The following TMEM108 variants were observed in gnomAD, a reference collection of about 807,000 sequenced individuals.
The protein encoded by TMEM108 is cancer/testis antigen 124.
A neutral mutation model predicts 35.1 loss-of-function variants in TMEM108; 12 were observed. That is an observed-to-expected ratio of 0.34 (90% CI 0.22 to 0.55). The LOEUF is 0.55. Ranked by LOEUF, TMEM108 falls within the 20% of genes least tolerant of loss-of-function variation. The pLI is 0.89. For synonymous variants in TMEM108, 287 were observed against 308.6 expected (o/e 0.93, Z 0.73); for missense variants, 680 against 753.3 (o/e 0.90, Z 1.14).
chr3:133,224,999 C>T (rs1946047793), intron 2 of TMEM108, among the ~76,000 whole-genome samples: 1 of 151,388 alleles, frequency 6.6e-6, no homozygotes, highest in African/African-American at 2.4e-5. Flanking sequence ...GACCCTTTAA[C>T]TCCTTTTTCC....
rs1197147994 is a variant in TMEM108, at chr3:133,252,537, ATTTC to A, written c.40+23189_40+23192del. Among the ~76,000 whole-genome samples, 21 of 152,328 alleles carry A rather than the reference ATTTC, an allele frequency of 1.4e-4. No individual in the cohort carries two copies. The East Asian group carries it at 2.7e-3, about 20-fold the overall frequency. ...TTTGCTAATTCAAGTTCTGATCAACATTTCTTAAAATAGTATGTAAGAAAGTCTT... is the reference window on the plus strand; with the variant it reads ...TTTGCTAATTCAAGTTCTGATCAACATTAAAATAGTATGTAAGAAAGTCTT... On this transcript the variant is annotated intron_variant, in intron 3 of 5. Transcript: ENST00000321871.
At chr3:133,100,288 C>T (rs561782268) in intron 2 of TMEM108, among the ~76,000 whole-genome samples, 5 of 152,206 alleles carry the variant, frequency 3.3e-5, no homozygotes, top group Non-Finnish European at 7.3e-5. Flanking sequence ...GGAGATACAA[C>T]TATAGTTGAG....
intron 2 of TMEM108, among the ~76,000 whole-genome samples, chr3:133,103,271 A>G (rs756635504): frequency 9.9e-5 from 15 of 152,192 alleles, no homozygotes; most frequent in Middle Eastern, 3.2e-3. Context: ...GAATGAGACC[A>G]TGTCTTTTGC....
chr3:133,250,463 C>G (rs1946452372), intron 3 of TMEM108, among the ~76,000 whole-genome samples: 1 of 152,156 alleles, frequency 6.6e-6, no homozygotes, highest in African/African-American at 2.4e-5. Flanking sequence ...ATGTGCTAAT[C>G]AACTGTTTTG....
intron 1 of TMEM108, among the ~76,000 whole-genome samples, chr3:133,040,235 C>T (rs542934713): frequency 5.4e-5 from 8 of 146,836 alleles, no homozygotes; most frequent in African/African-American, 2.0e-4. Flanking sequence ...ACGGAGTCTC[C>T]GTCTGTCACC....
chr3:133,089,204 G>A (rs373707089), intron 2 of TMEM108, among the ~76,000 whole-genome samples: 5 of 152,178 alleles, frequency 3.3e-5, no homozygotes, highest in East Asian at 1.9e-4. Flanking sequence ...CTCTAACATT[G>A]GGGATTACAA....
At chr3:133,251,090 G>A (rs139784588) in intron 3 of TMEM108, among the ~76,000 whole-genome samples, 1 of 152,234 alleles carries the variant, frequency 6.6e-6, no homozygotes, top group Non-Finnish European at 1.5e-5. Flanking sequence ...TAGGATCTCA[G>A]CCAGTCCATG....
rs116255520 is a variant in TMEM108 at position 133,096,145 on chromosome 3, A to G, written c.-47+50125A>G. ...AAAGGCTCACCTGTATTCACTCCTG[A>G]GGATGCAGTGGTGGTTTTTGTTTGG... On this transcript the variant is annotated intron_variant, in intron 2 of 5. Coordinates refer to ENST00000321871, the MANE Select transcript of TMEM108 (RefSeq NM_023943.4). Among the ~76,000 whole-genome samples, 349 of 152,200 alleles carry G rather than the reference A, an allele frequency of 2.3e-3. 4 individuals are homozygous for G. The highest frequency in any genetic ancestry group is 7.9e-3 in the African/African-American group (328 of 41,524).
chr3:133,094,474 G>T (rs773353744), intron 2 of TMEM108, among the ~76,000 whole-genome samples: 1 of 152,006 alleles, frequency 6.6e-6, no homozygotes, highest in African/African-American at 2.4e-5. Flanking sequence ...AAGACCTGAC[G>T]CATAAATAAA....
chr3:133,347,804 A>AT (rs34281446), intron 3 of TMEM108, among the ~76,000 whole-genome samples: 2 of 152,078 alleles, frequency 1.3e-5, no homozygotes, highest in African/African-American at 4.8e-5. Flanking sequence ...ATATAAAGAA[A>AT]TTTTTTTCAT....
intron 2 of TMEM108, among the ~76,000 whole-genome samples, chr3:133,199,869 A>T (rs1466111459): frequency 6.6e-6 from 1 of 152,118 alleles, no homozygotes; most frequent in Non-Finnish European, 1.5e-5. Context: ...CCAGAGGTGG[A>T]GTCTACAGAA....
At chr3:133,061,107 A>G (rs949720313) in intron 2 of TMEM108, among the ~76,000 whole-genome samples, 2 of 152,168 alleles carry the variant, frequency 1.3e-5, no homozygotes, top group Admixed American at 6.5e-5. Flanking sequence ...ATGAACATGC[A>G]AGGCCTGTTC....
At chr3:133,122,862 C>CAAAAAA (rs11375073) in intron 2 of TMEM108, among the ~76,000 whole-genome samples, 1 of 104,402 alleles carries the variant, frequency 9.6e-6, no homozygotes, top group Non-Finnish European at 1.9e-5. Flanking sequence ...GACTCCATCT[C>CAAAAAA]AAAAAAAAAA....
At chr3:133,119,275 C>T (rs962272794) in intron 2 of TMEM108, 1 of 152,104 alleles carries the variant, frequency 6.6e-6, no homozygotes, top group Admixed American at 6.6e-5. Context: ...GCACTCCCCT[C>T]CACCCACTCT....
intron 3 of TMEM108, among the ~76,000 whole-genome samples, chr3:133,369,247 T>A (rs750211872): frequency 2.0e-5 from 3 of 151,688 alleles, no homozygotes; most frequent in Non-Finnish European, 4.4e-5. Flanking sequence ...ACCTGGGGAG[T>A]TGAGGGACCT....
chr3:133,291,557 C>T (rs764564152), intron 3 of TMEM108, among the ~76,000 whole-genome samples: 6 of 151,724 alleles, frequency 4.0e-5, no homozygotes, highest in African/African-American at 4.8e-5. Flanking sequence ...GGATTACAGG[C>T]GTGAGCCAGC....
At chr3:133,316,602 C>T (rs1032485838) in intron 3 of TMEM108, among the ~76,000 whole-genome samples, 7 of 152,190 alleles carry the variant, frequency 4.6e-5, no homozygotes, top group African/African-American at 1.4e-4. Context: ...GATTTAAAAA[C>T]ACATATAAAC....
At position 133,275,068 on chromosome 3, in the gene TMEM108, A is replaced by G. The variant is rs552041048; in HGVS notation, c.40+45717A>G. Among the ~76,000 whole-genome samples the G allele has an allele frequency of 2.6e-5, 4 of 152,366 alleles. No individual in the cohort carries two copies. In the South Asian group the frequency reaches 8.3e-4, roughly 32 times the overall value. Reference sequence around the variant, plus strand: ...GTCTTAGAATTCCAACACCAAGTATAGAGGACTTAATTATTTTAATGGGGG... The same window carrying G: ...GTCTTAGAATTCCAACACCAAGTATGGAGGACTTAATTATTTTAATGGGGG... On this transcript the variant is annotated intron_variant, in intron 3 of 5. Coordinates refer to ENST00000321871, the MANE Select transcript of TMEM108 (RefSeq NM_023943.4).
At chr3:133,383,278 C>A (rs2073060958) in intron 4 of TMEM108, among the ~76,000 whole-genome samples, 1 of 152,204 alleles carries the variant, frequency 6.6e-6, no homozygotes, top group African/African-American at 2.4e-5. Flanking sequence ...AGCAAACACA[C>A]TGCTAAACAC....
Sources: gnomAD v4.1 joint callset for allele counts (sites outside exome capture counted in the v4.1 genomes callset) on GRCh38, gnomAD v4.1.1 for gene constraint, MANE v1.5 for transcripts, NCBI Gene and HGNC (gene_info 2026-07-23, HGNC 2026-07-21) for gene names.